The following ZNF569 variants were observed in gnomAD, a reference collection of about 807,000 sequenced individuals.
ZNF569 encodes zinc finger protein 569.
Under a neutral mutation model 56.3 loss-of-function variants are expected in ZNF569, and 38 were observed. The ratio of observed to expected loss-of-function variants is 0.68; its 90% CI spans 0.52 to 0.88. ZNF569 has a LOEUF of 0.88. ZNF569 is among the 40% of genes least tolerant of loss of function. The probability of loss-of-function intolerance (pLI) is 0.00; values close to 1 mark genes in which losing one functional copy is unlikely to be tolerated. For missense variants in ZNF569, 666 were observed against 809.2 expected (o/e 0.82, Z 2.15); for synonymous variants, 241 against 262.9 (o/e 0.92, Z 0.81).
intron 5 of ZNF569, among the ~76,000 whole-genome samples, chr19:37,420,516 C>T (rs556149577): frequency 3.9e-4 from 59 of 152,256 alleles, no homozygotes; most frequent in African/African-American, 1.3e-3. Context: ...GGAGTAGATC[C>T]TAAAGAAATG....
At chr19:37,443,825 G>A (rs1454017236) in intron 3 of ZNF569, among the ~76,000 whole-genome samples, 1 of 150,820 alleles carries the variant, frequency 6.6e-6, no homozygotes, top group Non-Finnish European at 1.5e-5. Flanking sequence ...TGGCCAACAT[G>A]GTGAAATCCC....
rs1294007093 is a variant in ZNF569 at position 37,412,957 on chromosome 19, TA to T, written c.1700del (p.Leu567TyrfsTer3). ...KAFSQCSLLNLHMRSHTGEKP... is the reference protein window; with the variant it reads ...KAFSQCSLLNXHMRSHTGEKP... The stretch of plus-strand genomic sequence containing the variant: ...TCTCACCTGTGTGACTTCTCATATG[TA>T]AATTAAGCAGTGAGCACTGAGAGAA... On this transcript the variant is annotated frameshift_variant, in exon 6 of 6. Transcript: ENST00000316950. LOFTEE classifies it high-confidence loss of function. The T allele has an allele frequency of 1.2e-6, 2 of 1,613,706 alleles. No individual in the cohort carries two copies. Among genetic ancestry groups the T allele is most frequent in the Non-Finnish European group, 1.7e-6 (2 of 1,179,852 alleles).
rs1263006529 is a variant in ZNF569, at chr19:37,425,449, G to GTAGC, written c.238+415_238+418dup. Among the ~76,000 whole-genome samples, 5 of 150,436 alleles carry GTAGC rather than the reference G, an allele frequency of 3.3e-5. No homozygotes were observed. The East Asian group carries it at 1.0e-3, about 30-fold the overall frequency. The stretch of plus-strand genomic sequence containing the variant: ...CGATTCTCCTGCCTCAGCCTCCCAA[G>GTAGC]TAGCTGGGACTACAGGCGCGTGTCA... On this transcript the variant is annotated intron_variant, in intron 5 of 5. Transcript: ENST00000316950.
chr19:37,426,954 C>T (rs1010492698), intron 3 of ZNF569, among the ~76,000 whole-genome samples: 1 of 152,192 alleles, frequency 6.6e-6, no homozygotes, highest in African/African-American at 2.4e-5. Flanking sequence ...TGAAAAAACA[C>T]ATGCCCTGAT....
In ZNF569 at chr19:37,413,348, G is replaced by A. The variant is rs772480839; in HGVS notation, c.1310C>T (p.Pro437Leu). The change falls in exon 6 of 6, where the codon CCT becomes CTT. Residue 437 changes from proline (P) to leucine (L), a missense_variant. Coordinates refer to ENST00000316950, the MANE Select transcript of ZNF569 (RefSeq NM_152484.3). ...TTTCCCACATTCATTACACTCATAA[G>A]GTTTCTCTCTAGTATGAATTTTCTG... ...THQKIHTREK[P>L]YECNECGKAF... 1.0e-5 allele frequency: 16 copies of A among 1,607,962 alleles called. No homozygotes were observed. The highest frequency in any genetic ancestry group is 1.4e-5 in the Non-Finnish European group (16 of 1,178,184).
chr19:37,467,908 C>T, upstream of ZNF569: 1 of 1,536,070 alleles, frequency 6.5e-7, no homozygotes, highest in Non-Finnish European at 8.7e-7. Flanking sequence ...TGTATTTGTT[C>T]TTTCTGGACT....
intron 2 of ZNF569, among the ~76,000 whole-genome samples, chr19:37,448,448 T>C (rs996620054): frequency 6.6e-6 from 1 of 152,054 alleles, no homozygotes; most frequent in Non-Finnish European, 1.5e-5. Context: ...TATCAGCAAT[T>C]TGTTTCTTTT....
Position 37,414,002 on chromosome 19 carries a change from C to T in ZNF569, c.656G>A (p.Cys219Tyr), listed in dbSNP as rs565020205. Reference sequence around the variant, plus strand: ...TTCCTTGTGACTGAAGGCTTTTCTACAGTTACTACATTCATAGGGCTTCTC... The same window carrying T: ...TTCCTTGTGACTGAAGGCTTTTCTATAGTTACTACATTCATAGGGCTTCTC... ...TGEKPYECSN[C>Y]RKAFSHKEKL... The change falls in exon 6 of 6, where the codon TGT becomes TAT. Residue 219 changes from cysteine (C) to tyrosine (Y), a missense_variant. Coordinates refer to ENST00000316950, the MANE Select transcript of ZNF569 (RefSeq NM_152484.3). 8 of 1,613,574 alleles carry T rather than the reference C, an allele frequency of 5.0e-6. No homozygotes were observed. In the East Asian group the frequency reaches 8.9e-5, roughly 18 times the overall value.
chr19:37,444,445 GTTAATTT>G (rs1347268212), intron 3 of ZNF569, among the ~76,000 whole-genome samples: 1 of 151,934 alleles, frequency 6.6e-6, no homozygotes, highest in African/African-American at 2.4e-5. Context: ...TCCTTTTCCT[GTTAATTT>G]TCATTTGCAT....
At chr19:37,434,464 A>G (rs927686691) in intron 3 of ZNF569, among the ~76,000 whole-genome samples, 3 of 152,240 alleles carry the variant, frequency 2.0e-5, no homozygotes, top group Admixed American at 6.5e-5. Context: ...CGAGGCGGGC[A>G]GATCACAAGG....
At chr19:37,444,684 A>G (rs920847590) in intron 3 of ZNF569, among the ~76,000 whole-genome samples, 3 of 152,272 alleles carry the variant, frequency 2.0e-5, no homozygotes, top group African/African-American at 7.2e-5. Context: ...CTTTACCTGT[A>G]AAAAGGAAAT....
At chr19:37,439,111 C>T (rs1014353100) in intron 3 of ZNF569, among the ~76,000 whole-genome samples, 8 of 152,144 alleles carry the variant, frequency 5.3e-5, no homozygotes, top group Non-Finnish European at 1.0e-4. Flanking sequence ...GCTCTTGTTG[C>T]CCAGGCTGGA....
At chr19:37,421,813 G>C (rs1192214069) in intron 5 of ZNF569, among the ~76,000 whole-genome samples, 1 of 132,142 alleles carries the variant, frequency 7.6e-6, no homozygotes, top group Admixed American at 8.6e-5. Flanking sequence ...GCAGTAGTGT[G>C]ATCTCAGCTC....
chr19:37,446,895 T>A (rs1376770208), intron 2 of ZNF569, among the ~76,000 whole-genome samples: 1 of 151,960 alleles, frequency 6.6e-6, no homozygotes, highest in African/African-American at 2.4e-5. Flanking sequence ...TACAAGGAAC[T>A]CAAACAAATC....
chr19:37,457,195 AC>A lies in ZNF569; in HGVS notation c.-44+8117del, dbSNP rs2041686251. 6.6e-5 allele frequency among the ~76,000 whole-genome samples: 10 copies of A among 152,268 alleles called. No homozygotes were observed. The South Asian group carries it at 2.1e-3, about 32-fold the overall frequency. ...TACATAAACACAATGCCATTATCAC[AC>A]CAAAGATATTAAACATTCGTACAAT... On this transcript the variant is annotated intron_variant, in intron 2 of 5. Coordinates refer to ENST00000316950, the MANE Select transcript of ZNF569 (RefSeq NM_152484.3).
At chr19:37,427,712 A>G in intron 3 of ZNF569, 1 of 465,500 alleles carries the variant, frequency 2.1e-6, no homozygotes, top group Non-Finnish European at 4.3e-6. Flanking sequence ...TGATGCTTGC[A>G]ATAAACATGT....
At chr19:37,461,109 A>C (rs2146976069) in intron 2 of ZNF569, among the ~76,000 whole-genome samples, 1 of 152,314 alleles carries the variant, frequency 6.6e-6, no homozygotes, top group East Asian at 1.9e-4. Context: ...ACTGTACCTA[A>C]GGGTGAACAA....
At position 37,413,603 on chromosome 19, in the gene ZNF569, T is replaced by A; in HGVS notation, c.1055A>T (p.Lys352Ile). The change falls in exon 6 of 6, where the codon AAA becomes ATA. Residue 352 changes from lysine (K) to isoleucine (I), a missense_variant. Physicochemically the swap from Lys to Ile is moderately radical, Grantham distance 102. Coordinates refer to ENST00000316950, the MANE Select transcript of ZNF569 (RefSeq NM_152484.3). ...ACCACATTTATCACATTTATAAGGT[T>A]TTTCTCCTGTATGACTTCTCATATG... ...ALHMRSHTGE[K>I]PYKCDKCGKA... 1 of 1,613,952 alleles carries A rather than the reference T, an allele frequency of 6.2e-7. No homozygotes were observed. The highest frequency in any genetic ancestry group is 8.5e-7 in the Non-Finnish European group (1 of 1,179,930).
chr19:37,435,196 G>T (rs549252886), intron 3 of ZNF569, among the ~76,000 whole-genome samples: 1 of 152,266 alleles, frequency 6.6e-6, no homozygotes, highest in African/African-American at 2.4e-5. Context: ...AAGTTAAAGT[G>T]TAGAGTACTA....
Sources: gnomAD v4.1 joint callset for allele counts (sites outside exome capture counted in the v4.1 genomes callset) on GRCh38, gnomAD v4.1.1 for gene constraint, MANE v1.5 for transcripts, NCBI Gene and HGNC (gene_info 2026-07-23, HGNC 2026-07-21) for gene names.